The following LY6S variants were observed in gnomAD, a reference collection of about 807,000 sequenced individuals.
LY6S encodes lymphocyte antigen 6 family member S, also known as lymphocyte antigen 6S.
chr8:143,053,365 G>C, the LY6S span: 1 of 152,162 alleles, frequency 6.6e-6, no homozygotes, highest in Non-Finnish European at 1.5e-5. Context: ...CCGTGCTCTA[G>C]GTGCTTTTAG....
the LY6S span, among the ~76,000 whole-genome samples, chr8:143,063,085 G>T: frequency 2.6e-5 from 4 of 152,260 alleles, no homozygotes; most frequent in East Asian, 7.7e-4. Flanking sequence ...GAGTTCACAG[G>T]CTCCTGTTTG....
the LY6S span, among the ~76,000 whole-genome samples, chr8:143,047,337 G>A: frequency 6.6e-6 from 1 of 151,886 alleles, no homozygotes; most frequent in East Asian, 2.0e-4. Flanking sequence ...AGTAGAGACG[G>A]GGTTTTACCA....
At chr8:143,073,296 CCGGGGCTCCTGTTCG>C in the LY6S span, among the ~76,000 whole-genome samples, 10 of 119,032 alleles carry the variant, frequency 8.4e-5, no homozygotes, top group East Asian at 6.1e-4. Context: ...GCCGTCGTCC[CCGGGGCTCCTGTTCG>C]AGGAGACAGC....
At chr8:143,055,324 G>A in the LY6S span, among the ~76,000 whole-genome samples, 1 of 152,148 alleles carries the variant, frequency 6.6e-6, no homozygotes, top group African/African-American at 2.4e-5. Flanking sequence ...GAAGGACCAA[G>A]GACAAAGTAA....
the LY6S span, among the ~76,000 whole-genome samples, chr8:143,060,708 C>G: frequency 6.6e-6 from 1 of 152,154 alleles, no homozygotes; most frequent in Non-Finnish European, 1.5e-5. Context: ...CAGGGCCCAG[C>G]TGTCTTTTCT....
chr8:143,061,509 GT>G, the LY6S span, among the ~76,000 whole-genome samples: 109 of 151,894 alleles, frequency 7.2e-4, no homozygotes, highest in East Asian at 0.016. Context: ...TGTTTGGTTG[GT>G]TGGTTGGTTG....
At chr8:143,048,592 TG>T in the LY6S span, among the ~76,000 whole-genome samples, 3 of 151,604 alleles carry the variant, frequency 2.0e-5, no homozygotes, top group African/African-American at 7.3e-5. Context: ...CTCAGCCTCC[TG>T]GGTTGCTGGG....
the LY6S span, chr8:143,044,096 T>A: frequency 1.8e-5 from 8 of 455,792 alleles, 1 homozygote; most frequent in Middle Eastern, 6.5e-4. Flanking sequence ...CTGCAGCCCC[T>A]CCCCAGTCCT....
chr8:143,064,399 C>G, the LY6S span, among the ~76,000 whole-genome samples: 1 of 152,190 alleles, frequency 6.6e-6, no homozygotes, highest in African/African-American at 2.4e-5. Context: ...AACCTTATAT[C>G]CACAGGTTGC....
the LY6S span, among the ~76,000 whole-genome samples, chr8:143,041,817 C>T: frequency 0.032 from 4,796 of 152,072 alleles, 250 homozygotes; most frequent in African/African-American, 0.11. Flanking sequence ...CTGACAATAG[C>T]CGTCCACCCA....
the LY6S span, among the ~76,000 whole-genome samples, chr8:143,045,133 C>G: frequency 3.3e-5 from 5 of 152,170 alleles, no homozygotes; most frequent in African/African-American, 7.2e-5. The surrounding 1 kb of genome is among the most constrained non-coding windows in gnomAD (Gnocchi z 5.3). Flanking sequence ...ACCAAACACA[C>G]CAGTCACCTC....
the LY6S span, among the ~76,000 whole-genome samples, chr8:143,070,366 TATATATATATAA>T: frequency 7.6e-6 from 1 of 131,414 alleles, no homozygotes; most frequent in Non-Finnish European, 1.6e-5. Flanking sequence ...CTCCAGCTGA[TATATATATATAA>T]ATATATATAT....
the LY6S span, chr8:143,066,110 C>A: frequency 2.5e-6 from 1 of 407,786 alleles, no homozygotes; most frequent in Admixed American, 2.9e-5. Flanking sequence ...CGGAAATGTC[C>A]CTGACTGCTG....
At chr8:143,070,475 AAATATATATATATATT>A in the LY6S span, among the ~76,000 whole-genome samples, 8 of 44,524 alleles carry the variant, frequency 1.8e-4, 1 homozygote, top group African/African-American at 6.0e-4. Flanking sequence ...ATATATATAT[AAATATATATATATATT>A]TTTTTTTTTT....
the LY6S span, among the ~76,000 whole-genome samples, chr8:143,056,154 G>C: frequency 6.7e-6 from 1 of 148,554 alleles, no homozygotes; most frequent in East Asian, 2.0e-4. Context: ...TTTTGGTGGT[G>C]GGGGTGGCAC....
the LY6S span, among the ~76,000 whole-genome samples, chr8:143,062,492 C>A: frequency 2.0e-5 from 3 of 152,116 alleles, no homozygotes; most frequent in African/African-American, 7.2e-5. Context: ...ATGGCGAAAT[C>A]CTGTTGACCA....
chr8:143,054,444 G>A, the LY6S span: 1 of 151,904 alleles, frequency 6.6e-6, no homozygotes, highest in Non-Finnish European at 1.5e-5. Context: ...TGCCAACATA[G>A]CTGCACAAAA....
the LY6S span, among the ~76,000 whole-genome samples, chr8:143,070,485 A>ATTTTTTTTTTTTTTT: frequency 2.4e-5 from 2 of 84,828 alleles, no homozygotes; most frequent in Non-Finnish European, 3.9e-5. Context: ...AAATATATAT[A>ATTTTTTTTTTTTTTT]TATATTTTTT....
the LY6S span, among the ~76,000 whole-genome samples, chr8:143,064,033 C>T: frequency 1.3e-5 from 2 of 152,212 alleles, no homozygotes; most frequent in African/African-American, 2.4e-5. Flanking sequence ...GTCTCTCAGG[C>T]ATGTACAGGG....
Sources: allele counts gnomAD v4.1 joint callset (sites outside exome capture counted in the v4.1 genomes callset), GRCh38; gene constraint gnomAD v4.1.1; non-coding constraint Gnocchi (gnomAD v3.1); transcripts MANE v1.5; gene names NCBI Gene and HGNC (gene_info 2026-07-23, HGNC 2026-07-21).